Variants in TAS2R1 observed in about 807,000 individuals in gnomAD.
The protein encoded by TAS2R1 is taste receptor type 2 member 1.
For missense variants in TAS2R1, 370 were observed against 353.4 expected (o/e 1.05, Z -0.38); for synonymous variants, 141 against 134.2 (o/e 1.05, Z -0.35).
chr5:9,693,974 T>C (rs891500058), intron 1 of TAS2R1, among the ~76,000 whole-genome samples: 3 of 152,228 alleles, frequency 2.0e-5, no homozygotes, highest in African/African-American at 7.2e-5. Context: ...CAGGTGTATC[T>C]TCAAAGAAAT....
chr5:9,636,295 A>G (rs1457284825), intron 2 of TAS2R1, among the ~76,000 whole-genome samples: 2 of 152,092 alleles, frequency 1.3e-5, no homozygotes, highest in Non-Finnish European at 2.9e-5. Flanking sequence ...CTGTAGTCCG[A>G]GAGTGTACTT....
intron 1 of TAS2R1, among the ~76,000 whole-genome samples, chr5:9,675,725 T>G (rs1170176306): frequency 6.6e-6 from 1 of 152,146 alleles, no homozygotes; most frequent in South Asian, 2.1e-4. Context: ...CCATTTATTA[T>G]TTCTAACAGG....
At chr5:9,894,175 G>A in the TAS2R1 span, among the ~76,000 whole-genome samples, 147 of 152,210 alleles carry the variant, frequency 9.7e-4, no homozygotes, top group African/African-American at 3.3e-3. Context: ...AGCCGAGGCG[G>A]GTGGATCACT....
the TAS2R1 span, among the ~76,000 whole-genome samples, chr5:9,799,284 T>A: frequency 6.6e-6 from 1 of 152,238 alleles, no homozygotes; most frequent in Admixed American, 6.5e-5. Context: ...GTGTCATGCA[T>A]AGTGCAAACT....
intron 2 of TAS2R1, among the ~76,000 whole-genome samples, chr5:9,641,135 G>T (rs1740074749): frequency 6.6e-6 from 1 of 152,256 alleles, no homozygotes; most frequent in South Asian, 2.1e-4. Context: ...GCCCTGACAG[G>T]AAACTAGCAG....
chr5:9,826,128 T>C, the TAS2R1 span, among the ~76,000 whole-genome samples: 2 of 152,226 alleles, frequency 1.3e-5, no homozygotes, highest in Non-Finnish European at 2.9e-5. Flanking sequence ...TTATAAGTCA[T>C]AGATTTATAA....
chr5:9,829,450 C>A, the TAS2R1 span, among the ~76,000 whole-genome samples: 1 of 152,182 alleles, frequency 6.6e-6, no homozygotes, highest in African/African-American at 2.4e-5. Context: ...GAGAAATTAT[C>A]TTATCTTTGT....
chr5:9,646,546 G>A (rs997642451), intron 2 of TAS2R1, among the ~76,000 whole-genome samples: 5 of 152,236 alleles, frequency 3.3e-5, no homozygotes, highest in East Asian at 1.9e-4. Flanking sequence ...CTCTTTTGTC[G>A]TAGGAGTCAA....
At chr5:9,677,431 C>T (rs1213879330) in intron 1 of TAS2R1, among the ~76,000 whole-genome samples, 1 of 137,568 alleles carries the variant, frequency 7.3e-6, no homozygotes, top group Non-Finnish European at 1.6e-5. Flanking sequence ...AAAAGAGAAC[C>T]AAAAGACAAG....
the TAS2R1 span, among the ~76,000 whole-genome samples, chr5:9,870,429 C>T: frequency 6.6e-6 from 1 of 152,186 alleles, no homozygotes; most frequent in Non-Finnish European, 1.5e-5. Flanking sequence ...TTCTACCCTC[C>T]CATGAAAAGG....
chr5:9,767,583 C>G, the TAS2R1 span, among the ~76,000 whole-genome samples: 1 of 152,180 alleles, frequency 6.6e-6, no homozygotes, highest in Non-Finnish European at 1.5e-5. Flanking sequence ...CAGCAGGCCT[C>G]CTGACCCGTA....
the TAS2R1 span, among the ~76,000 whole-genome samples, chr5:9,747,008 T>C: frequency 6.6e-6 from 1 of 152,084 alleles, no homozygotes; most frequent in African/African-American, 2.4e-5. Flanking sequence ...CTGAGGAACA[T>C]CATTTTCAAG....
chr5:9,694,178 T>C (rs900438172), intron 1 of TAS2R1, among the ~76,000 whole-genome samples: 1 of 152,116 alleles, frequency 6.6e-6, no homozygotes, highest in African/African-American at 2.4e-5. Context: ...TTGACACTTT[T>C]AAGTGTAGCA....
Position 9,649,644 on chromosome 5 carries a change from A to G in TAS2R1, c.-81+9777T>C, listed in dbSNP as rs73743128. Among the ~76,000 whole-genome samples, 1,177 of 152,322 alleles carry G rather than the reference A, an allele frequency of 7.7e-3. 15 individuals are homozygous for G. The highest frequency in any genetic ancestry group is 0.027 in the African/African-American group (1,124 of 41,576). ...ATTTTAATGAAACACAAATATGCCC[A>G]TGCATGTTTTAGCAAATTGTTCTGG... On this transcript the variant is annotated intron_variant, in intron 2 of 2. Coordinates refer to the TAS2R1 transcript ENST00000506620.
At chr5:9,826,321 T>C in the TAS2R1 span, among the ~76,000 whole-genome samples, 66,472 of 151,992 alleles carry the variant, frequency 0.44, 14,812 homozygotes, top group African/African-American at 0.54. Context: ...CATATATTAA[T>C]GTCACTTAAA....
chr5:9,629,991 C>A lies in TAS2R1; in HGVS notation c.42G>T (p.Val14=). The stretch of plus-strand genomic sequence containing the variant: ...TGAAAATCCCAAGAAGAAATTGTAT[C>A]ACTGCAAGAAGAAAATAGATAATGA... The part of the protein sequence containing the change: ...SHLIIYFLLA[V]IQFLLGIFTN... Residue 14 remains valine (V), a synonymous_variant, in exon 1 of 1, where the codon GTG becomes GTT. Coordinates refer to ENST00000382492, the MANE Select transcript of TAS2R1 (RefSeq NM_019599.3). The A allele has an allele frequency of 6.3e-7, 1 of 1,595,482 alleles. No homozygotes were observed.
chr5:9,812,229 G>A, the TAS2R1 span, among the ~76,000 whole-genome samples: 457 of 152,018 alleles, frequency 3.0e-3, 5 homozygotes, highest in East Asian at 0.039. Context: ...TGTCTGGTTC[G>A]GAGAAAAAGA....
At position 9,712,028 on chromosome 5, in the gene TAS2R1, AAGGGAGGGAGGGAGGG is replaced by A. The variant is rs139038735; in HGVS notation, c.-242+128_-242+143del. On this transcript the variant is annotated intron_variant, in intron 1 of 2. Transcript: ENST00000506620. ...GAGAGAAAGAGAGAAGGAAGGAAGG[AAGGGAGGGAGGGAGGG>A]AGGGAGGGAGGGAGGGAATAGAAAG... 2.0e-4 allele frequency: 18 copies of A among 89,944 alleles called. 1 individual carries two copies. The highest frequency in any genetic ancestry group is 9.4e-4 in the South Asian group (2 of 2,130). The allele number at this position is 89,944 out of a possible 1,614,324, so 5.6% of individuals were successfully genotyped here.
the TAS2R1 span, among the ~76,000 whole-genome samples, chr5:9,901,633 C>T: frequency 6.6e-6 from 1 of 152,004 alleles, no homozygotes; most frequent in African/African-American, 2.4e-5. Flanking sequence ...ATAAATCTTC[C>T]TGCAGTAAGA....
Sources: allele counts gnomAD v4.1 joint callset (sites outside exome capture counted in the v4.1 genomes callset), GRCh38; gene constraint gnomAD v4.1.1; transcripts MANE v1.5; gene names NCBI Gene and HGNC (gene_info 2026-07-23, HGNC 2026-07-21).